The following GPAM variants were observed in gnomAD, a reference collection of about 807,000 sequenced individuals.
The protein encoded by GPAM is glycerol-3-phosphate acyltransferase 1, mitochondrial.
Under a neutral mutation model 105.0 loss-of-function variants are expected in GPAM, and 56 were observed. The observed-to-expected ratio is 0.53, with a 90% CI of 0.43 to 0.67. The LOEUF is 0.67. Ranked by LOEUF, GPAM falls within the 30% of genes least tolerant of loss-of-function variation. The pLI is 0.00. For synonymous variants in GPAM, 368 were observed against 354.4 expected, an observed-to-expected ratio of 1.04 and a Z score of -0.43; for missense variants, 855 against 989.8, an observed-to-expected ratio of 0.86 and a Z score of 1.83.
chr10:112,191,989 G>A (rs1847665107), intron 1 of GPAM, among the ~76,000 whole-genome samples: 1 of 152,158 alleles, frequency 6.6e-6, no homozygotes, highest in Non-Finnish European at 1.5e-5. Context: ...TGAAAGGAAT[G>A]GAACTTTGAG....
chr10:112,199,199 G>A (rs562601669), intron 1 of GPAM, among the ~76,000 whole-genome samples: 174 of 151,750 alleles, frequency 1.1e-3, no homozygotes, highest in Middle Eastern at 6.8e-3. Context: ...CAGGCAATCC[G>A]CCTGCCTCGG....
chr10:112,196,776 T>C (rs1181970369), intron 1 of GPAM, among the ~76,000 whole-genome samples: 1 of 152,204 alleles, frequency 6.6e-6, no homozygotes, highest in Non-Finnish European at 1.5e-5. Flanking sequence ...TTTCTTCTTC[T>C]AGCCCCATTT....
upstream of GPAM, among the ~76,000 whole-genome samples, chr10:112,185,736 G>T (rs572337872): frequency 3.9e-5 from 6 of 152,160 alleles, no homozygotes; most frequent in Non-Finnish European, 7.4e-5. Context: ...TTGTGCCACT[G>T]CACTCCAGCT....
intron 21 of GPAM, 168 bp from the exon 22 acceptor site, chr10:112,153,834 G>A: frequency 4.5e-6 from 3 of 660,412 alleles, no homozygotes; most frequent in Non-Finnish European, 7.6e-6. Context: ...AGCATGAGGT[G>A]GGAGTTTCCA....
At chr10:112,202,831 C>A (rs1027305662) in intron 1 of GPAM, among the ~76,000 whole-genome samples, 1 of 152,162 alleles carries the variant, frequency 6.6e-6, no homozygotes, top group Non-Finnish European at 1.5e-5. Context: ...TCTGAGCCAG[C>A]CTAGAGAAAT....
chr10:112,218,632 C>T (rs1847993184), upstream of GPAM, among the ~76,000 whole-genome samples: 1 of 152,198 alleles, frequency 6.6e-6, no homozygotes. Flanking sequence ...TGAACAGCTA[C>T]TCCATAGACA....
intron 6 of GPAM, among the ~76,000 whole-genome samples, chr10:112,174,669 T>C (rs1005022389): frequency 6.6e-6 from 1 of 152,162 alleles, no homozygotes; most frequent in African/African-American, 2.4e-5. Context: ...AAATTCCACA[T>C]AGCCCCATAA....
At chr10:112,154,708 C>G in intron 20 of GPAM, 21 bp from the exon 21 acceptor site, 1 of 1,547,834 alleles carries the variant, frequency 6.5e-7, no homozygotes. Flanking sequence ...AGAATAAAAC[C>G]CTGTCAAATG....
intron 1 of GPAM, among the ~76,000 whole-genome samples, chr10:112,202,428 T>C (rs1167604969): frequency 1.3e-5 from 2 of 152,224 alleles, no homozygotes; most frequent in Non-Finnish European, 2.9e-5. Flanking sequence ...ACTATGTTCA[T>C]GGTAAGCCCT....
rs113657534 is a variant in GPAM, at chr10:112,203,071, G to T, written n.210+12097C>A. Among the ~76,000 whole-genome samples the T allele has an allele frequency of 4.3e-4, 65 of 152,292 alleles. 1 individual carries two copies. Among genetic ancestry groups the T allele is most frequent in the African/African-American group, 1.5e-3 (64 of 41,564 alleles). ...AAGCAATGGGTTAGTGTGAGCTGGAGTGTAGAGGACAGGCCTCCTCTCAGC... is the reference window on the plus strand; with the variant it reads ...AAGCAATGGGTTAGTGTGAGCTGGATTGTAGAGGACAGGCCTCCTCTCAGC... On this transcript the variant is annotated intron_variant and non_coding_transcript_variant, in intron 1 of 3. Coordinates refer to the GPAM transcript ENST00000480130.
chr10:112,158,312 T>C lies in GPAM; in HGVS notation c.1980+4A>G. 1 of 1,512,128 alleles carries C rather than the reference T, an allele frequency of 6.6e-7. No individual in the cohort carries two copies. Among genetic ancestry groups the C allele is most frequent in the Non-Finnish European group, 9.2e-7 (1 of 1,086,632 alleles). The allele number at this position is 1,512,128 out of a possible 1,614,324, so 93.7% of individuals were successfully genotyped here. ...GACAAATAAAGGAAAGCTCTACCTC[T>C]TACCTCTGCCACTGTAAGAATGCCA... On this transcript the variant is annotated splice_donor_region_variant and intron_variant, in intron 18 of 21. Coordinates refer to ENST00000348367, the MANE Select transcript of GPAM (RefSeq NM_001244949.2).
At position 112,152,206 on chromosome 10, in the gene GPAM, T is replaced by C; in HGVS notation, c.*1344A>G. ...AAAAATTCTTAATTCCATAATATCT[T>C]GGAGATAAGCAACAGTAAACTGTTA... On this transcript the variant is annotated 3_prime_UTR_variant, in exon 22 of 22. Coordinates refer to ENST00000348367, the MANE Select transcript of GPAM (RefSeq NM_001244949.2). 1.0e-6 allele frequency: 1 copy of C among 976,532 alleles called. No individual in the cohort carries two copies. Among genetic ancestry groups the C allele is most frequent in the Non-Finnish European group, 1.2e-6 (1 of 821,894 alleles). 60.5% of individuals were successfully genotyped at this position (976,532 alleles called of 1,614,324 possible).
intron 9 of GPAM, among the ~76,000 whole-genome samples, chr10:112,170,327 G>C (rs1303321723): frequency 1.3e-5 from 2 of 152,222 alleles, no homozygotes; most frequent in East Asian, 3.8e-4. Context: ...GAAGTGGTTT[G>C]TGAATGGGTA....
intron 1 of GPAM, among the ~76,000 whole-genome samples, chr10:112,196,162 G>A (rs745313286): frequency 2.6e-5 from 4 of 152,112 alleles, no homozygotes; most frequent in Non-Finnish European, 5.9e-5. Context: ...GGAAAAACTA[G>A]GCATGGCTAG....
At position 112,168,941 on chromosome 10, in the gene GPAM, T is replaced by C. The variant is rs879662532; in HGVS notation, c.806A>G (p.His269Arg). The change falls in exon 10 of 22, where the codon CAT becomes CGT. Residue 269 changes from histidine to arginine, a missense_variant. His to Arg is a conservative substitution (Grantham distance 29). Transcript: ENST00000348367. The part of the protein sequence containing the change: ...LNIPIFSTLI[H>R]KLGGFFIRRR... ...TCGTATGAAGAAGCCCCCAAGCTTA[T>C]GGATCAAGGTACTATAAATTCAGAA... The C allele has an allele frequency of 5.7e-6, 9 of 1,589,554 alleles. No homozygotes were observed. Among genetic ancestry groups the C allele is most frequent in the Admixed American group, 1.7e-5 (1 of 59,974 alleles).
At position 112,152,246 on chromosome 10, in the gene GPAM, A is replaced by G. The variant is rs1846932484; in HGVS notation, c.*1304T>C. 1 of 977,530 alleles carries G rather than the reference A, an allele frequency of 1.0e-6. No homozygotes were observed. Among genetic ancestry groups the G allele is most frequent in the African/African-American group, 1.8e-5 (1 of 56,952 alleles). 60.6% of individuals were successfully genotyped at this position (977,530 alleles called of 1,614,324 possible). ...GTAAACTGTTAGAAAACGTTTTAAC[A>G]TTACATGATATTTAAAAAATCACCA... is the stretch of plus-strand genomic sequence containing the variant. On this transcript the variant is annotated 3_prime_UTR_variant, in exon 22 of 22. Transcript: ENST00000348367.
intron 1 of GPAM, chr10:112,214,236 G>C (rs1239764289): frequency 6.6e-6 from 1 of 152,244 alleles, no homozygotes; most frequent in Non-Finnish European, 1.5e-5. Flanking sequence ...ACAAAGAGTG[G>C]AGAGAGGAAA....
chr10:112,214,644 C>T (rs1293089592), intron 1 of GPAM, among the ~76,000 whole-genome samples: 1 of 152,194 alleles, frequency 6.6e-6, no homozygotes, highest in African/African-American at 2.4e-5. Flanking sequence ...GGGAATCAAA[C>T]TTTCATAAAA....
chr10:112,191,255 C>T (rs1236651477), intron 1 of GPAM, among the ~76,000 whole-genome samples: 1 of 152,214 alleles, frequency 6.6e-6, no homozygotes, highest in African/African-American at 2.4e-5. Flanking sequence ...TCAAGATGGT[C>T]ATCAAATACA....
Sources: allele counts gnomAD v4.1 joint callset (sites outside exome capture counted in the v4.1 genomes callset), GRCh38; gene constraint gnomAD v4.1.1; transcripts MANE v1.5; gene names NCBI Gene and HGNC (gene_info 2026-07-23, HGNC 2026-07-21).